GPC3: variants seen among roughly 807,000 people sequenced by gnomAD.
GPC3 encodes the protein glypican 3.
Under a neutral mutation model 34.4 loss-of-function variants are expected in GPC3, and 3 were observed. The ratio of observed to expected loss-of-function variants is 0.09; its 90% CI spans 0.04 to 0.23. GPC3 has a LOEUF of 0.23. Among genes scored for constraint, GPC3 ranks in the 10% least tolerant of loss-of-function variants. GPC3 has a pLI of 1.00. For missense variants in GPC3, 351 were observed against 445.6 expected, an observed-to-expected ratio of 0.79 and a Z score of 1.91; for synonymous variants, 177 against 174.0, an observed-to-expected ratio of 1.02 and a Z score of -0.13.
chrX:133,937,372 G>C (rs2076327817), intron 2 of GPC3, among the ~76,000 whole-genome samples: 1 of 111,089 alleles, frequency 9.0e-6, no homozygotes, highest in Admixed American at 9.6e-5. Context: ...AATTTCTATT[G>C]GTGTCAATAG....
intron 2 of GPC3, among the ~76,000 whole-genome samples, chrX:133,935,099 C>A (rs1427766515): frequency 8.9e-6 from 1 of 111,924 alleles, no homozygotes; most frequent in Non-Finnish European, 1.9e-5. Context: ...CGAAACACTT[C>A]CTTCCTACTA....
intron 2 of GPC3, among the ~76,000 whole-genome samples, chrX:133,791,878 C>CT (rs1300297747): frequency 1.1e-5 from 1 of 93,183 alleles, no homozygotes; most frequent in Non-Finnish European, 2.1e-5. Context: ...TCTTTCTTTT[C>CT]TTTCTTTCTT....
chrX:133,862,076 AT>A lies in GPC3; in HGVS notation c.337+90973del, dbSNP rs35546133. 2.8e-3 allele frequency among the ~76,000 whole-genome samples: 290 copies of A among 102,158 alleles called. 1 individual carries two copies. Among genetic ancestry groups the A allele is most frequent in the African/African-American group, 7.9e-3 (222 of 28,126 alleles). 88.7% of individuals were successfully genotyped at this position (102,158 alleles called of 115,157 possible). On this transcript the variant is annotated intron_variant, in intron 2 of 7. Transcript: ENST00000370818. ...AATCTTGGTATTTTAGAAAAAGGGG[AT>A]TTTTTTTTTTTGCCACTCAATAATT...
chrX:133,772,031 C>G (rs1346338179), intron 2 of GPC3, among the ~76,000 whole-genome samples: 1 of 111,535 alleles, frequency 9.0e-6, no homozygotes, highest in Non-Finnish European at 1.9e-5. Context: ...TCCAATATCC[C>G]TCTTTTCCCT....
chrX:133,680,287 C>G (rs2070927716), intron 5 of GPC3, among the ~76,000 whole-genome samples: 1 of 111,935 alleles, frequency 8.9e-6, no homozygotes, highest in Admixed American at 9.5e-5. Context: ...TGCTGTATCC[C>G]TACCCCAGGT....
At chrX:133,796,446 G>A (rs1001467300) in intron 2 of GPC3, among the ~76,000 whole-genome samples, 1 of 112,193 alleles carries the variant, frequency 8.9e-6, no homozygotes, top group East Asian at 2.8e-4. Context: ...ACTAAGAAAG[G>A]AGGAACTGGG....
intron 2 of GPC3, among the ~76,000 whole-genome samples, chrX:133,850,194 G>GTTTTT (rs749809263): frequency 1.1e-3 from 75 of 67,926 alleles, no homozygotes; most frequent in South Asian, 1.6e-3. Flanking sequence ...TTTGGGTTTT[G>GTTTTT]TTTTTTTTTT....
intron 3 of GPC3, among the ~76,000 whole-genome samples, chrX:133,752,357 C>A (rs2071674818): frequency 9.0e-6 from 1 of 111,519 alleles, no homozygotes; most frequent in Non-Finnish European, 1.9e-5. Context: ...TAGCAGAAAG[C>A]AGAAATAGAA....
At chrX:133,807,650 A>T (rs2124524587) in intron 2 of GPC3, among the ~76,000 whole-genome samples, 1 of 112,456 alleles carries the variant, frequency 8.9e-6, no homozygotes, top group African/African-American at 3.2e-5. Flanking sequence ...AGTACAGTGA[A>T]TAAGTATCAC....
At chrX:133,932,929 G>A (rs998865555) in intron 2 of GPC3, among the ~76,000 whole-genome samples, 1 of 111,346 alleles carries the variant, frequency 9.0e-6, no homozygotes, top group African/African-American at 3.3e-5. Flanking sequence ...TATTTAAAAT[G>A]TGAATTACAC....
At chrX:133,781,447 T>C (rs956367876) in intron 2 of GPC3, among the ~76,000 whole-genome samples, 8 of 112,055 alleles carry the variant, frequency 7.1e-5, no homozygotes, top group Non-Finnish European at 1.1e-4. Flanking sequence ...CTGGGGACTC[T>C]ATGGAATGAC....
intron 6 of GPC3, among the ~76,000 whole-genome samples, chrX:133,640,926 C>CT (rs1322235071): frequency 4.5e-5 from 5 of 110,639 alleles, no homozygotes; most frequent in Admixed American, 2.9e-4. Context: ...GGGTGGGGAC[C>CT]TTTTTTTCTA....
Position 133,622,577 on chromosome X carries a change from T to G in GPC3, c.1414-25978A>C, listed in dbSNP as rs758996648. 1.7e-3 allele frequency among the ~76,000 whole-genome samples: 195 copies of G among 111,689 alleles called. 1 individual carries two copies. The highest frequency in any genetic ancestry group is 6.1e-3 in the African/African-American group (187 of 30,732). On this transcript the variant is annotated intron_variant, in intron 6 of 7. Coordinates refer to ENST00000370818, the MANE Select transcript of GPC3 (RefSeq NM_004484.4). ...AACTGGAAGAAAGGGTATCAGTGAC[T>G]GAAGATCAAATGAATGAAATGAAGC...
chrX:133,924,238 T>G, intron 2 of GPC3, among the ~76,000 whole-genome samples: 1 of 111,706 alleles, frequency 9.0e-6, no homozygotes, highest in Non-Finnish European at 1.9e-5. Context: ...ACCAATGAGT[T>G]TATCGCACAA....
intron 6 of GPC3, among the ~76,000 whole-genome samples, chrX:133,658,881 G>C (rs932791631): frequency 1.8e-5 from 2 of 109,386 alleles, no homozygotes; most frequent in African/African-American, 3.5e-5. Context: ...AGTTAGAGGA[G>C]AGGAAAAGAA....
intron 7 of GPC3, among the ~76,000 whole-genome samples, chrX:133,582,950 T>C (rs748295988): frequency 2.7e-5 from 3 of 111,415 alleles, no homozygotes; most frequent in African/African-American, 6.5e-5. Flanking sequence ...CTGGAGATAA[T>C]TGGGGAGAAA....
chrX:133,890,624 G>A (rs1388076945), intron 2 of GPC3, among the ~76,000 whole-genome samples: 2 of 110,041 alleles, frequency 1.8e-5, no homozygotes, highest in Admixed American at 9.8e-5. Flanking sequence ...TTGAGAGGCC[G>A]ACGCGGGTGG....
chrX:133,860,819 T>C (rs2075932856), intron 2 of GPC3, among the ~76,000 whole-genome samples: 1 of 111,822 alleles, frequency 8.9e-6, no homozygotes, highest in African/African-American at 3.3e-5. Context: ...AAAAATTGAT[T>C]GGCCAGGCAC....
At chrX:133,647,659 A>T (rs2070558107) in intron 6 of GPC3, among the ~76,000 whole-genome samples, 1 of 111,125 alleles carries the variant, frequency 9.0e-6, no homozygotes, top group African/African-American at 3.3e-5. Context: ...TGGGGCCCCC[A>T]CTCTTCTTTG....
Sources: allele counts gnomAD v4.1 joint callset (sites outside exome capture counted in the v4.1 genomes callset), GRCh38; gene constraint gnomAD v4.1.1; transcripts MANE v1.5; gene names NCBI Gene and HGNC (gene_info 2026-07-23, HGNC 2026-07-21).